Variants in PSEN2 observed in about 807,000 individuals in gnomAD.
PSEN2 encodes presenilin-2.
A neutral mutation model predicts 49.1 loss-of-function variants in PSEN2; 32 were observed. The ratio of observed to expected loss-of-function variants is 0.65; its 90% CI spans 0.49 to 0.88. The LOEUF is 0.88. Ranked by LOEUF, PSEN2 falls within the 40% of genes least tolerant of loss-of-function variation. The pLI is 0.00. For synonymous variants in PSEN2, 255 were observed against 244.0 expected (o/e 1.05, Z -0.42); for missense variants, 522 against 586.9 (o/e 0.89, Z 1.14).
At chr1:226,886,330 T>C (rs1303391278) in intron 6 of PSEN2, among the ~76,000 whole-genome samples, 1 of 152,234 alleles carries the variant, frequency 6.6e-6, no homozygotes, top group East Asian at 1.9e-4. Flanking sequence ...TTATTTTTAG[T>C]TTTCCTTTTC....
rs769025026 is a variant in PSEN2 at position 226,883,925 on chromosome 1, TTGGGGGGC to T, written c.356+14_356+21del. On this transcript the variant is annotated splice_region_variant and intron_variant, in intron 5 of 12. Transcript: ENST00000366783. ...ACAGAGAAGAATGGACAGCTGTGAG[TTGGGGGGC>T]TGGGGGGAGCAGGGTGGGGTGAGGG... is the stretch of plus-strand genomic sequence containing the variant. 7 of 1,349,544 alleles carry T rather than the reference TTGGGGGGC, an allele frequency of 5.2e-6. No homozygotes were observed. In the South Asian group the frequency reaches 7.3e-5, roughly 14 times the overall value. The allele number at this position is 1,349,544 out of a possible 1,614,324, so 83.6% of individuals were successfully genotyped here.
chr1:226,887,959 T>A (rs974582333), intron 6 of PSEN2, 132 bp from the exon 7 acceptor site: 6 of 790,564 alleles, frequency 7.6e-6, no homozygotes, highest in Admixed American at 7.6e-5. Context: ...GGCCACCTGA[T>A]CCCTTCCAGC....
At chr1:226,883,072 C>G (rs1163151849) in intron 4 of PSEN2, among the ~76,000 whole-genome samples, 1 of 152,226 alleles carries the variant, frequency 6.6e-6, no homozygotes, top group Non-Finnish European at 1.5e-5. Flanking sequence ...GTGCTAGTGT[C>G]TGGCAGGTGT....
At chr1:226,888,350 G>A (rs544679629) in intron 7 of PSEN2, among the ~76,000 whole-genome samples, 192 bp downstream of exon 7, 1 of 152,258 alleles carries the variant, frequency 6.6e-6, no homozygotes, top group East Asian at 1.9e-4. Context: ...AAGTGGGGCT[G>A]CATGGTGGAC....
downstream of PSEN2, among the ~76,000 whole-genome samples, chr1:226,896,272 G>A (rs138924167): frequency 6.6e-5 from 10 of 152,216 alleles, no homozygotes; most frequent in Non-Finnish European, 1.0e-4. Flanking sequence ...CTAAGCAAAG[G>A]AGTTAGGAGA....
chr1:226,892,769 C>T (rs1383492545), intron 11 of PSEN2, among the ~76,000 whole-genome samples: 2 of 152,128 alleles, frequency 1.3e-5, no homozygotes, highest in African/African-American at 4.8e-5. Context: ...CAGGACTGGC[C>T]TCCCTCCAGA....
At chr1:226,903,645 TATTAAAAA>T (rs1328315133) in intron 12 of PSEN2, 2 of 152,012 alleles carry the variant, frequency 1.3e-5, no homozygotes, top group Non-Finnish European at 2.9e-5. Context: ...TTTACTCCCC[TATTAAAAA>T]AACAAAACCA....
At chr1:226,901,401 A>T (rs1571980184), downstream of PSEN2, among the ~76,000 whole-genome samples, 1 of 145,614 alleles carries the variant, frequency 6.9e-6, no homozygotes, top group Non-Finnish European at 1.5e-5. Flanking sequence ...ACGCCATTGC[A>T]CTCCAGCCTG....
At chr1:226,898,725 T>G (rs1662227441), downstream of PSEN2, 1 of 152,264 alleles carries the variant, frequency 6.6e-6, no homozygotes, top group African/African-American at 2.4e-5. Flanking sequence ...GCCATTCTCC[T>G]GCCTCAGCCT....
chr1:226,899,120 T>C (rs1211169020), downstream of PSEN2: 3 of 152,198 alleles, frequency 2.0e-5, no homozygotes, highest in African/African-American at 7.2e-5. Flanking sequence ...AAGTAATTTT[T>C]AAATGTTAAT....
chr1:226,887,468 A>G (rs934417652), intron 6 of PSEN2, among the ~76,000 whole-genome samples: 2 of 152,154 alleles, frequency 1.3e-5, no homozygotes, highest in African/African-American at 4.8e-5. Context: ...GGACTGGGTT[A>G]GGATCAGCCC....
Position 226,891,857 on chromosome 1 carries a change from T to C in PSEN2, c.1072+13T>C, listed in dbSNP as rs924766442. On this transcript the variant is annotated intron_variant, in intron 11 of 12. Transcript: ENST00000366783. ...GAAGAGGAGGAAAGTAAGGTGCCCA[T>C]GTTCACACGGCCTGCTTCAGCCTAC... 3.7e-6 allele frequency: 6 copies of C among 1,608,566 alleles called. No homozygotes were observed. The highest frequency in any genetic ancestry group is 3.4e-6 in the Non-Finnish European group (4 of 1,175,030).
intron 2 of PSEN2, 101 bp downstream of exon 2, chr1:226,871,505 A>AGTAT (rs1660288219): frequency 6.6e-6 from 1 of 152,240 alleles, no homozygotes; most frequent in African/African-American, 2.4e-5. Context: ...TGCCTTAATA[A>AGTAT]GTATTCCCTT....
chr1:226,898,958 T>G (rs1412574524), downstream of PSEN2: 1 of 152,206 alleles, frequency 6.6e-6, no homozygotes, highest in Admixed American at 6.5e-5. Context: ...TGCCCATTTT[T>G]CACTTGGATT....
At chr1:226,902,742 G>C (rs935172992) in intron 12 of PSEN2, among the ~76,000 whole-genome samples, 4 of 152,282 alleles carry the variant, frequency 2.6e-5, no homozygotes, top group Admixed American at 2.6e-4. Flanking sequence ...GTGAGAGCTG[G>C]GGAGGCTGGG....
chr1:226,901,453 A>AG (rs1553270761), downstream of PSEN2, among the ~76,000 whole-genome samples: 1 of 148,180 alleles, frequency 6.7e-6, no homozygotes, highest in African/African-American at 2.5e-5. Context: ...AAAAAAAAAA[A>AG]GTATGATTTT....
At chr1:226,877,956 G>A (rs775943240) in intron 3 of PSEN2, among the ~76,000 whole-genome samples, 7 of 152,202 alleles carry the variant, frequency 4.6e-5, no homozygotes, top group African/African-American at 9.7e-5. Flanking sequence ...ACTGTCTAGC[G>A]CAGTGTCACA....
At chr1:226,882,202 C>A (rs1661047404) in intron 4 of PSEN2, among the ~76,000 whole-genome samples, 154 bp downstream of exon 4, 1 of 152,220 alleles carries the variant, frequency 6.6e-6, no homozygotes, top group South Asian at 2.1e-4. Flanking sequence ...CCATGATGGA[C>A]CTTCCATCTG....
chr1:226,889,008 A>C lies in PSEN2; in HGVS notation c.746A>C (p.Glu249Ala). Residue 249 changes from glutamate to alanine, a missense_variant, in exon 8 of 13, where the codon GAG (glutamate) becomes GCG (alanine). Physicochemically the swap from Glu to Ala is moderately radical, Grantham distance 107. Transcript: ENST00000366783. ...CTAGTGTTCATCAAGTACCTCCCAG[A>C]GTGGTCCGCGTGGGTCATCCTGGGC... is the stretch of plus-strand genomic sequence containing the variant. The part of the protein sequence containing the change: ...MALVFIKYLP[E>A]WSAWVILGAI... 6.2e-7 allele frequency: 1 copy of C among 1,614,054 alleles called. No individual in the cohort carries two copies. The highest frequency in any genetic ancestry group is 8.5e-7 in the Non-Finnish European group (1 of 1,180,018).
Sources: gnomAD v4.1 joint callset for allele counts (sites outside exome capture counted in the v4.1 genomes callset) on GRCh38, gnomAD v4.1.1 for gene constraint, MANE v1.5 for transcripts, NCBI Gene and HGNC (gene_info 2026-07-23, HGNC 2026-07-21) for gene names.